The following STAT5B variants were observed in gnomAD, a reference collection of about 807,000 sequenced individuals.
The protein encoded by STAT5B is signal transducer and activator of transcription 5B.
In STAT5B, 21 loss-of-function variants were observed where a neutral mutation model predicts 107.8. The ratio of observed to expected loss-of-function variants is 0.19; its 90% CI spans 0.14 to 0.28. STAT5B has a LOEUF of 0.28. Among genes scored for constraint, STAT5B ranks in the 10% least tolerant of loss-of-function variants. STAT5B has a pLI of 1.00. For missense variants in STAT5B, 565 were observed against 1,008.2 expected (o/e 0.56, Z 5.95); for synonymous variants, 325 against 401.7 (o/e 0.81, Z 2.28).
intron 12 of STAT5B, among the ~76,000 whole-genome samples, chr17:42,215,682 G>A (rs945802921): frequency 2.0e-5 from 3 of 151,932 alleles, no homozygotes; most frequent in South Asian, 4.2e-4. Flanking sequence ...GCAGTGGTGC[G>A]ATCTCGGCTC....
At chr17:42,282,635 G>C in the STAT5B span, among the ~76,000 whole-genome samples, 1 of 152,110 alleles carries the variant, frequency 6.6e-6, no homozygotes, top group South Asian at 2.1e-4. Flanking sequence ...CCACCGCACC[G>C]GGCCTGTGAC....
chr17:42,274,267 G>C (rs1263545597), intron 1 of STAT5B, among the ~76,000 whole-genome samples: 2 of 64,448 alleles, frequency 3.1e-5, no homozygotes, highest in Non-Finnish European at 5.6e-5. Flanking sequence ...TTTTTTTTCT[G>C]ATGGTTTGCT....
At chr17:42,214,324 A>G (rs895790902) in intron 12 of STAT5B, 6 of 985,264 alleles carry the variant, frequency 6.1e-6, no homozygotes, top group Admixed American at 1.2e-4. Flanking sequence ...AGATGTGGCA[A>G]TCTTATCTAG....
At chr17:42,225,670 C>T (rs2080267297) in intron 3 of STAT5B, among the ~76,000 whole-genome samples, 1 of 152,168 alleles carries the variant, frequency 6.6e-6, no homozygotes, top group African/African-American at 2.4e-5. Context: ...CTATAGATTG[C>T]TTATACTATC....
At chr17:42,253,132 C>A (rs1353060386) in intron 1 of STAT5B, among the ~76,000 whole-genome samples, 1 of 151,780 alleles carries the variant, frequency 6.6e-6, no homozygotes, top group Non-Finnish European at 1.5e-5. Context: ...TTCTTTCTTT[C>A]TTTCTTTTTT....
chr17:42,221,848 CTA>C (rs2080228755), intron 5 of STAT5B, among the ~76,000 whole-genome samples: 1 of 152,026 alleles, frequency 6.6e-6, no homozygotes, highest in African/African-American at 2.4e-5. Flanking sequence ...AGTAGTATCA[CTA>C]TAGACATAAA....
At chr17:42,279,182 CAAAAAAAGAAAAAAA>C (rs2080784908), upstream of STAT5B, among the ~76,000 whole-genome samples, 1 of 140,668 alleles carries the variant, frequency 7.1e-6, no homozygotes, top group African/African-American at 2.7e-5. Flanking sequence ...AGACCTGTCT[CAAAAAAAGAAAAAAA>C]AAAAAAAGTA....
In STAT5B at chr17:42,210,324, C is replaced by T. The variant is rs1332071679; in HGVS notation, c.1776-23G>A. 9 of 1,614,160 alleles carry T rather than the reference C, an allele frequency of 5.6e-6. No homozygotes were observed. The South Asian group carries it at 8.8e-5, about 16-fold the overall frequency. Reference sequence around the variant, plus strand: ...GCCCTGGATCACCAAGGACAAAGGACAGAAGCAGAGTGTGACTTACGATGC... The same window carrying T: ...GCCCTGGATCACCAAGGACAAAGGATAGAAGCAGAGTGTGACTTACGATGC... On this transcript the variant is annotated intron_variant, in intron 14 of 18. Coordinates refer to ENST00000293328, the MANE Select transcript of STAT5B (RefSeq NM_012448.4).
rs368678242 is a variant in STAT5B at position 42,207,115 on chromosome 17, C to T, written c.2077+443G>A. On this transcript the variant is annotated intron_variant, in intron 16 of 18. Transcript: ENST00000293328. ...CTGGAACTCCTGACCTCAAATGATC[C>T]GCCTGCCTTGGCCTCCCAAAGTTCT... is the stretch of plus-strand genomic sequence containing the variant. Among the ~76,000 whole-genome samples, 9 of 151,794 alleles carry T rather than the reference C, an allele frequency of 5.9e-5. No homozygotes were observed. The East Asian group carries it at 1.5e-3, about 26-fold the overall frequency.
chr17:42,212,914 C>T (rs1031128780), intron 12 of STAT5B, among the ~76,000 whole-genome samples: 4 of 152,244 alleles, frequency 2.6e-5, no homozygotes, highest in African/African-American at 9.6e-5. Context: ...GCACCTAACA[C>T]AGTTTCTTGT....
chr17:42,252,125 A>G (rs1159680782), intron 1 of STAT5B, among the ~76,000 whole-genome samples: 1 of 152,204 alleles, frequency 6.6e-6, no homozygotes, highest in Non-Finnish European at 1.5e-5. Context: ...ATCAAGAAAT[A>G]GACACTCTGA....
upstream of STAT5B, among the ~76,000 whole-genome samples, chr17:42,277,483 A>AC (rs1761369251): frequency 6.6e-6 from 1 of 151,974 alleles, no homozygotes; most frequent in Non-Finnish European, 1.5e-5. Context: ...CCAGAATGAC[A>AC]CCAGCCACAA....
At chr17:42,263,523 GTTTGTT>G (rs1374168157) in intron 1 of STAT5B, among the ~76,000 whole-genome samples, 5 of 151,438 alleles carry the variant, frequency 3.3e-5, no homozygotes, top group Non-Finnish European at 5.9e-5. Context: ...CTGTTTTTTT[GTTTGTT>G]TTTATTTGTT....
chr17:42,262,940 A>ATGTG (rs1444320620), intron 1 of STAT5B, among the ~76,000 whole-genome samples: 3 of 42,254 alleles, frequency 7.1e-5, no homozygotes, highest in East Asian at 9.8e-4. Flanking sequence ...ATATGTATAT[A>ATGTG]TATGTGTGTG....
chr17:42,287,211 TC>T, the STAT5B span, among the ~76,000 whole-genome samples: 1 of 152,026 alleles, frequency 6.6e-6, no homozygotes, highest in East Asian at 1.9e-4. Context: ...TTTTTTTTTT[TC>T]CTCTGAAGTT....
At chr17:42,269,466 TAAAA>T (rs2080703756) in intron 1 of STAT5B, 1 of 152,212 alleles carries the variant, frequency 6.6e-6, no homozygotes, top group African/African-American at 2.4e-5. Context: ...TGAAGGCTTT[TAAAA>T]CTCATCAGAC....
Position 42,212,008 on chromosome 17 carries a change from A to G in STAT5B, c.1656T>C (p.Ser552=), listed in dbSNP as rs758513855. 3.5e-5 allele frequency: 57 copies of G among 1,613,412 alleles called. No homozygotes were observed. In the Admixed American group the frequency reaches 6.7e-4, roughly 19 times the overall value. ...SSHLEDYSGL[S]VSWSQFNREN... is the part of the protein sequence containing the mutation. ...CCCTGTTGAACTGGGACCAGGACAC[A>G]GACAGGCCACTGTAGTCCTCCAGGT... Residue 552 remains serine (S), a synonymous_variant, in exon 13 of 19, where the codon TCT becomes TCC. Coordinates refer to ENST00000293328, the MANE Select transcript of STAT5B (RefSeq NM_012448.4).
At chr17:42,232,990 C>T (rs1454409239) in intron 1 of STAT5B, among the ~76,000 whole-genome samples, 3 of 151,602 alleles carry the variant, frequency 2.0e-5, no homozygotes, top group Non-Finnish European at 4.4e-5. Context: ...TACAGGTGCC[C>T]GCCACCGCAC....
In STAT5B at chr17:42,216,073, C is replaced by T; in HGVS notation, c.1414G>A (p.Gly472Ser). Residue 472 changes from glycine (G) to serine (S), a missense_variant, in exon 12 of 19, where the codon GGC becomes AGC. This residue lies in a region of STAT5B where 127 missense variants were observed against 215.8 expected (regional missense o/e 0.59). Coordinates refer to ENST00000293328, the MANE Select transcript of STAT5B (RefSeq NM_012448.4). The part of the protein sequence containing the change: ...LSLPVVVIVH[G>S]SQDNNATATV... ...GCCGTCGCATTGTTGTCCTGGCTGCCATGAACGATCACCACCACTGGCAGG... is the reference window on the plus strand; with the variant it reads ...GCCGTCGCATTGTTGTCCTGGCTGCTATGAACGATCACCACCACTGGCAGG... The T allele has an allele frequency of 6.2e-7, 1 of 1,613,898 alleles. No homozygotes were observed. The highest frequency in any genetic ancestry group is 8.5e-7 in the Non-Finnish European group (1 of 1,179,936).
Sources: gnomAD v4.1 joint callset for allele counts (sites outside exome capture counted in the v4.1 genomes callset) on GRCh38, gnomAD v4.1.1 for gene constraint, gnomAD v4.1.1 regional missense constraint, MANE v1.5 for transcripts, NCBI Gene and HGNC (gene_info 2026-07-23, HGNC 2026-07-21) for gene names.